Variants in RIMS2 observed in about 807,000 individuals in gnomAD.
RIMS2 encodes regulating synaptic membrane exocytosis protein 2.
A neutral mutation model predicts 174.4 loss-of-function variants in RIMS2; 59 were observed. The observed-to-expected ratio is 0.34, with a 90% CI of 0.27 to 0.42. The LOEUF (loss-of-function observed/expected upper bound fraction) is 0.42, where lower values mean the gene tolerates loss of function less well. RIMS2 is among the 10% of genes least tolerant of loss of function. The pLI is 1.00. For missense variants in RIMS2, 1,620 were observed against 1,666.3 expected, an observed-to-expected ratio of 0.97 and a Z score of 0.48; for synonymous variants, 606 against 572.5, an observed-to-expected ratio of 1.06 and a Z score of -0.84.
intron 1 of RIMS2, among the ~76,000 whole-genome samples, chr8:103,598,875 AG>A (rs2094576612): frequency 1.3e-5 from 2 of 152,272 alleles, no homozygotes; most frequent in South Asian, 4.1e-4. Flanking sequence ...TCTGTCTATA[AG>A]GGGGATGACC....
intron 17 of RIMS2, among the ~76,000 whole-genome samples, chr8:103,991,012 G>A (rs1262137000): frequency 2.0e-5 from 3 of 151,830 alleles, no homozygotes; most frequent in African/African-American, 7.2e-5. Flanking sequence ...TTAAAGCCTA[G>A]ATGATTAATC....
At chr8:103,672,998 A>G (rs1243999855) in intron 1 of RIMS2, among the ~76,000 whole-genome samples, 1 of 152,176 alleles carries the variant, frequency 6.6e-6, no homozygotes, top group African/African-American at 2.4e-5. Context: ...AAAGGTAGAA[A>G]TTGGCAAAAA....
At chr8:103,554,043 A>G (rs945647173) in intron 1 of RIMS2, among the ~76,000 whole-genome samples, 1 of 152,198 alleles carries the variant, frequency 6.6e-6, no homozygotes, top group Non-Finnish European at 1.5e-5. Flanking sequence ...TTATACAAAT[A>G]GCAACTCAAG....
exon 24 of RIMS2, chr8:104,251,848 A>G: frequency 8.3e-7 from 1 of 1,199,328 alleles, no homozygotes; most frequent in Non-Finnish European, 1.2e-6. Context: ...TTGTCACAGC[A>G]ACCAGCGTTA....
intron 19 of RIMS2, among the ~76,000 whole-genome samples, chr8:104,075,192 C>G (rs908230452): frequency 3.9e-5 from 6 of 151,926 alleles, no homozygotes; most frequent in African/African-American, 1.5e-4. Context: ...CTCAAGCTAC[C>G]AAGAAAACCT....
chr8:103,577,920 A>G (rs79644306), intron 1 of RIMS2, among the ~76,000 whole-genome samples: 1,666 of 152,296 alleles, frequency 0.011, 45 homozygotes, highest in African/African-American at 0.038. Flanking sequence ...AAATACTGAA[A>G]ATAGAAGAGG....
downstream of RIMS2, chr8:104,254,322 G>C (rs1465474166): frequency 6.6e-6 from 1 of 151,958 alleles, no homozygotes; most frequent in Non-Finnish European, 1.5e-5. Flanking sequence ...GGGAATTCCA[G>C]TTGGGAAAAA....
intron 19 of RIMS2, 25 bp from the exon 24 acceptor site, chr8:104,093,446 C>T (rs1356517467): frequency 5.3e-6 from 8 of 1,514,872 alleles, no homozygotes; most frequent in Admixed American, 1.8e-5. Flanking sequence ...ACAACTTCTG[C>T]GTATTTGTCA....
At chr8:103,783,315 A>G (rs1180136181) in intron 3 of RIMS2, among the ~76,000 whole-genome samples, 1 of 144,376 alleles carries the variant, frequency 6.9e-6, no homozygotes, top group Non-Finnish European at 1.5e-5. Context: ...ACATGTGCAC[A>G]TTGTGCAGGT....
At chr8:104,144,346 C>T (rs929094432) in intron 19 of RIMS2, among the ~76,000 whole-genome samples, 16 of 151,996 alleles carry the variant, frequency 1.1e-4, no homozygotes, top group Non-Finnish European at 2.4e-4. Flanking sequence ...TTTCTAGAAC[C>T]GAACACCCTA....
chr8:103,911,435 G>A (rs932139043), intron 5 of RIMS2, among the ~76,000 whole-genome samples: 1 of 152,092 alleles, frequency 6.6e-6, no homozygotes, highest in African/African-American at 2.4e-5. Flanking sequence ...AATGAGAACT[G>A]TAATCTATTC....
At chr8:104,082,931 A>G (rs1230007058) in intron 19 of RIMS2, among the ~76,000 whole-genome samples, 1 of 152,154 alleles carries the variant, frequency 6.6e-6, no homozygotes, top group African/African-American at 2.4e-5. Context: ...CTTAAGATGC[A>G]TTTGAAAAGA....
intron 19 of RIMS2, among the ~76,000 whole-genome samples, chr8:104,161,380 G>C (rs1175536063): frequency 6.6e-6 from 1 of 152,122 alleles, no homozygotes; most frequent in Non-Finnish European, 1.5e-5. Context: ...AGCAGACAGA[G>C]AGTATTTGAC....
At chr8:103,553,551 C>G (rs988616725) in intron 1 of RIMS2, among the ~76,000 whole-genome samples, 2 of 151,988 alleles carry the variant, frequency 1.3e-5, no homozygotes, top group Non-Finnish European at 1.5e-5. Flanking sequence ...ACATATGTAA[C>G]AAAGCTGCAT....
intron 3 of RIMS2, among the ~76,000 whole-genome samples, chr8:103,823,099 A>G (rs1192709747): frequency 6.6e-6 from 1 of 151,878 alleles, no homozygotes; most frequent in Non-Finnish European, 1.5e-5. Flanking sequence ...TTTTTATACA[A>G]CGAAGAGATC....
chr8:103,575,679 C>CATATATATAT (rs112166531), intron 1 of RIMS2, among the ~76,000 whole-genome samples: 2,180 of 140,928 alleles, frequency 0.015, 68 homozygotes, highest in East Asian at 0.14. Flanking sequence ...CATACACACA[C>CATATATATAT]ACACACATAT....
intron 1 of RIMS2, among the ~76,000 whole-genome samples, chr8:103,632,565 C>T (rs1391482899): frequency 1.3e-5 from 2 of 151,708 alleles, no homozygotes; most frequent in Non-Finnish European, 2.9e-5. Flanking sequence ...GGCTTACAGG[C>T]ACCTGCCACC....
chr8:103,558,817 T>G (rs563695143), intron 1 of RIMS2, among the ~76,000 whole-genome samples: 1 of 152,248 alleles, frequency 6.6e-6, no homozygotes, highest in African/African-American at 2.4e-5. Flanking sequence ...AAATATAAAA[T>G]GTAAATTAAA....
intron 2 of RIMS2, among the ~76,000 whole-genome samples, chr8:103,745,774 A>G (rs139587807): frequency 1.9e-3 from 284 of 152,334 alleles, no homozygotes; most frequent in African/African-American, 6.6e-3. Flanking sequence ...GTTTATGCAG[A>G]AATATTCAAG....
Sources: gnomAD v4.1 joint callset for allele counts (sites outside exome capture counted in the v4.1 genomes callset) on GRCh38, gnomAD v4.1.1 for gene constraint, MANE v1.5 for transcripts, NCBI Gene and HGNC (gene_info 2026-07-23, HGNC 2026-07-21) for gene names.